LIF: variants seen among roughly 807,000 people sequenced by gnomAD.
The protein encoded by LIF is leukemia inhibitory factor.
In LIF, 9 loss-of-function variants were observed where a neutral mutation model predicts 15.0. The observed-to-expected ratio is 0.60, with a 90% CI of 0.36 to 1.04. The LOEUF is 1.04. LIF is among the 50% of genes least tolerant of loss of function. The probability of loss-of-function intolerance (pLI) is 0.01; values close to 1 mark genes in which losing one functional copy is unlikely to be tolerated. For missense variants in LIF, 240 were observed against 266.7 expected (o/e 0.90, Z 0.70); for synonymous variants, 122 against 119.7 (o/e 1.02, Z -0.13).
Position 30,243,973 on chromosome 22 carries a change from C to T in LIF, c.287G>A (p.Gly96Asp). 1.2e-6 allele frequency: 2 copies of T among 1,614,084 alleles called. No individual in the cohort carries two copies. The highest frequency in any genetic ancestry group is 1.7e-6 in the Non-Finnish European group (2 of 1,180,024). ...VTDFPPFHANGTEKAKLVELY... is the reference protein window; with the variant it reads ...VTDFPPFHANDTEKAKLVELY... ...CTCCACCAGCTTGGCCTTCTCCGTG[C>T]CGTTGGCGTGGAAGGGCGGGAAGTC... is the stretch of plus-strand genomic sequence containing the variant. The change falls in exon 3 of 3, where the codon GGC becomes GAC. Residue 96 changes from glycine (G) to aspartate (D), a missense_variant. Physicochemically the swap from Gly to Asp is moderately conservative, Grantham distance 94. Transcript: ENST00000249075. This position sits in a 1 kb window ranked among gnomAD's most constrained non-coding sequence, Gnocchi z 6.0.
intron 1 of LIF, chr22:30,246,278 C>T: frequency 3.9e-6 from 1 of 257,714 alleles, no homozygotes; most frequent in Non-Finnish European, 6.3e-6. Context: ...CTGGGAGCAG[C>T]CCGGGACCGC....
Position 30,243,541 on chromosome 22 carries a change from C to T in LIF, c.*110G>A. On this transcript the variant is annotated 3_prime_UTR_variant, in exon 3 of 3. Coordinates refer to ENST00000249075, the MANE Select transcript of LIF (RefSeq NM_002309.5). The surrounding 1 kb of genome is among the most constrained non-coding windows in gnomAD (Gnocchi z 6.0). The stretch of plus-strand genomic sequence containing the variant: ...GCACCCTCGGGGTCTGCCAGCAGCC[C>T]CCATTTGGGTTTAGCGATGCCCTGG... 7.2e-7 allele frequency: 1 copy of T among 1,393,324 alleles called. No individual in the cohort carries two copies. Among genetic ancestry groups the T allele is most frequent in the Non-Finnish European group, 1.0e-6 (1 of 991,778 alleles). The allele number at this position is 1,393,324 out of a possible 1,614,324, so 86.3% of individuals were successfully genotyped here.
At chr22:30,245,479 T>A (rs982907619) in intron 1 of LIF, among the ~76,000 whole-genome samples, 22 of 152,010 alleles carry the variant, frequency 1.4e-4, no homozygotes, top group Admixed American at 2.0e-4. Context: ...TTGACCCTCA[T>A]CTCCCTCCCA....
At chr22:30,244,506 A>C (rs1197925885) in intron 2 of LIF, among the ~76,000 whole-genome samples, 1 of 151,984 alleles carries the variant, frequency 6.6e-6, no homozygotes, top group Non-Finnish European at 1.5e-5. Context: ...GACAATCACA[A>C]GATAAGAAGT....
In LIF at chr22:30,241,882, C is replaced by T. The variant is rs1469028451; in HGVS notation, c.*1769G>A. The T allele has an allele frequency of 6.6e-6, 1 of 152,486 alleles. No individual in the cohort carries two copies. The highest frequency in any genetic ancestry group is 1.5e-5 in the Non-Finnish European group (1 of 68,120). The allele number at this position is 152,486 out of a possible 1,614,324, so 9.4% of individuals were successfully genotyped here. ...GCAGGAGGGCCCACAGCTTCCTGGTCTGAGTCCCAGGCATCTGCAGCCTCC... is the reference window on the plus strand; with the variant it reads ...GCAGGAGGGCCCACAGCTTCCTGGTTTGAGTCCCAGGCATCTGCAGCCTCC... On this transcript the variant is annotated 3_prime_UTR_variant, in exon 3 of 3. Transcript: ENST00000249075. The surrounding 1 kb of genome is among the most constrained non-coding windows in gnomAD (Gnocchi z 4.4).
rs765116548 is a variant in LIF at position 30,243,298 on chromosome 22, C to A, written c.*353G>T. 1 of 387,888 alleles carries A rather than the reference C, an allele frequency of 2.6e-6. No individual in the cohort carries two copies. The highest frequency in any genetic ancestry group is 4.9e-6 in the Non-Finnish European group (1 of 203,892). The allele number at this position is 387,888 out of a possible 1,614,324, so 24.0% of individuals were successfully genotyped here. ...ACTCCCCTGGGCCCTGCTGTCTCAC[C>A]CTGTGGTCAGGGCTCTTGTAGATGA... On this transcript the variant is annotated 3_prime_UTR_variant, in exon 3 of 3. Transcript: ENST00000249075. This position sits in a 1 kb window ranked among gnomAD's most constrained non-coding sequence, Gnocchi z 6.0.
rs772549695 is a variant in LIF at position 30,244,736 on chromosome 22, T to G, written c.198+19A>C. 2 of 1,610,124 alleles carry G rather than the reference T, an allele frequency of 1.2e-6. No individual in the cohort carries two copies. Among genetic ancestry groups the G allele is most frequent in the South Asian group, 2.2e-5 (2 of 90,924 alleles). ...CCCCCTCCCTGCCATCTCCTGTCAGTATCCCAGGGGTAACTTACATAGAGA... is the reference window on the plus strand; with the variant it reads ...CCCCCTCCCTGCCATCTCCTGTCAGGATCCCAGGGGTAACTTACATAGAGA... On this transcript the variant is annotated intron_variant, in intron 2 of 2. Transcript: ENST00000249075.
In LIF at chr22:30,243,690, C is replaced by A. The variant is rs752447357; in HGVS notation, c.570G>T (p.Lys190Asn). The change falls in exon 3 of 3, where the codon AAG becomes AAT. Residue 190 changes from lysine (K) to asparagine (N), a missense_variant. Coordinates refer to ENST00000249075, the MANE Select transcript of LIF (RefSeq NM_002309.5). The surrounding 1 kb of genome is among the most constrained non-coding windows in gnomAD (Gnocchi z 6.0). Reference protein sequence around the residue: ...KKKLGCQLLGKYKQIIAVLAQ... With the variant: ...KKKLGCQLLGNYKQIIAVLAQ... ...CCAACACGGCGATGATCTGCTTATA[C>A]TTCCCCAGGAGTTGACAGCCCAGCT... The A allele has an allele frequency of 1.9e-5, 31 of 1,614,156 alleles. No individual in the cohort carries two copies. Among genetic ancestry groups the A allele is most frequent in the Non-Finnish European group, 1.8e-5 (21 of 1,180,056 alleles).
In LIF at chr22:30,244,890, C is replaced by G. The variant is rs368278663; in HGVS notation, c.63G>C (p.Ala21=). Residue 21 remains alanine, a synonymous_variant, in exon 2 of 3, where the codon GCG becomes GCC. Coordinates refer to ENST00000249075, the MANE Select transcript of LIF (RefSeq NM_002309.5). ...CAGGGGTGATGGGGAGGGGGCTCCC[C>G]GCCCCATGTTTCCAGTGCAGAACCA... The part of the protein sequence containing the change: ...LLLVLHWKHG[A]GSPLPITPVN... The G allele has an allele frequency of 6.2e-7, 1 of 1,614,018 alleles. No homozygotes were observed. The highest frequency in any genetic ancestry group is 1.3e-5 in the African/African-American group (1 of 74,916).
Position 30,242,815 on chromosome 22 carries a change from G to C in LIF, c.*836C>G, listed in dbSNP as rs1441135163. ...GACCTTTACCCAGAGGAAGAGCCTG[G>C]GTCCCTCAGAACCTCTGCACCTGAC... On this transcript the variant is annotated 3_prime_UTR_variant, in exon 3 of 3. Coordinates refer to ENST00000249075, the MANE Select transcript of LIF (RefSeq NM_002309.5). 1 of 152,986 alleles carries C rather than the reference G, an allele frequency of 6.5e-6. No individual in the cohort carries two copies. Among genetic ancestry groups the C allele is most frequent in the Non-Finnish European group, 1.5e-5 (1 of 68,386 alleles). 9.5% of individuals were successfully genotyped at this position (152,986 alleles called of 1,614,324 possible).
chr22:30,244,870 G>A lies in LIF; in HGVS notation c.83C>T (p.Thr28Ile). The A allele has an allele frequency of 6.2e-7, 1 of 1,614,216 alleles. No homozygotes were observed. Among genetic ancestry groups the A allele is most frequent in the Non-Finnish European group, 8.5e-7 (1 of 1,180,004 alleles). Reference protein sequence around the residue: ...KHGAGSPLPITPVNATCAIRH... With the variant: ...KHGAGSPLPIIPVNATCAIRH... ...TATGGCACAGGTGGCGTTGACAGGGGTGATGGGGAGGGGGCTCCCCGCCCC... is the reference window on the plus strand; with the variant it reads ...TATGGCACAGGTGGCGTTGACAGGGATGATGGGGAGGGGGCTCCCCGCCCC... Residue 28 changes from threonine to isoleucine, a missense_variant, in exon 2 of 3, where the codon ACC (threonine) becomes ATC (isoleucine). Thr to Ile is a moderately conservative substitution (Grantham distance 89). Coordinates refer to ENST00000249075, the MANE Select transcript of LIF (RefSeq NM_002309.5).
chr22:30,244,183 C>T lies in LIF; in HGVS notation c.199-122G>A, dbSNP rs981055681. 7.8e-6 allele frequency: 7 copies of T among 899,338 alleles called. No individual in the cohort carries two copies. The South Asian group carries it at 1.0e-4, about 13-fold the overall frequency. 55.7% of individuals were successfully genotyped at this position (899,338 alleles called of 1,614,324 possible). The stretch of plus-strand genomic sequence containing the variant: ...TAGCGCATGAGGACCCAACTCCTTG[C>T]CCTGTAAGCATCTGGAATTGTCATG... On this transcript the variant is annotated intron_variant, in intron 2 of 2. Transcript: ENST00000249075.
chr22:30,244,772 C>T lies in LIF; in HGVS notation c.181G>A (p.Ala61Thr). The T allele has an allele frequency of 1.9e-6, 3 of 1,614,114 alleles. No individual in the cohort carries two copies. The highest frequency in any genetic ancestry group is 2.5e-6 in the Non-Finnish European group (3 of 1,179,980). ...TAACTTACATAGAGAATAAAGAGGG[C>T]ATTGGCACTGCCATTGAGCTGTGCC... is the stretch of plus-strand genomic sequence containing the variant. Reference protein sequence around the residue: ...QLAQLNGSANALFILYYTAQG... With the variant: ...QLAQLNGSANTLFILYYTAQG... The change falls in exon 2 of 3, where the codon GCC becomes ACC. Residue 61 changes from alanine to threonine, a missense_variant. Ala to Thr is a moderately conservative substitution (Grantham distance 58). Coordinates refer to ENST00000249075, the MANE Select transcript of LIF (RefSeq NM_002309.5).
At chr22:30,244,140 T>A in intron 2 of LIF, 79 bp from the exon 3 acceptor site, 1 of 1,402,000 alleles carries the variant, frequency 7.1e-7, no homozygotes, top group Admixed American at 2.0e-5. Context: ...GGCAAGCTCT[T>A]GCGTCTGTTT....
In LIF at chr22:30,243,384, AAGTCC is replaced by A. The variant is rs1373486009; in HGVS notation, c.*262_*266del. ...GGGCCAAAGGGACAAGTAGAGGCAG[AAGTCC>A]AGCCCACGCTCCCCAGTCCACAATC... On this transcript the variant is annotated 3_prime_UTR_variant, in exon 3 of 3. Coordinates refer to ENST00000249075, the MANE Select transcript of LIF (RefSeq NM_002309.5). This position sits in a 1 kb window ranked among gnomAD's most constrained non-coding sequence, Gnocchi z 6.0. 1 of 563,202 alleles carries A rather than the reference AAGTCC, an allele frequency of 1.8e-6. No individual in the cohort carries two copies. Among genetic ancestry groups the A allele is most frequent in the Non-Finnish European group, 3.2e-6 (1 of 313,256 alleles). The allele number at this position is 563,202 out of a possible 1,614,324, so 34.9% of individuals were successfully genotyped here.
At chr22:30,245,990 C>T (rs1928873283) in intron 1 of LIF, among the ~76,000 whole-genome samples, 2 of 152,212 alleles carry the variant, frequency 1.3e-5, no homozygotes, top group Admixed American at 1.3e-4. Context: ...ATGGTGGGGG[C>T]CGGGGTCAGC....
intron 1 of LIF, 186 bp downstream of exon 1, chr22:30,246,491 G>T: frequency 1.6e-6 from 2 of 1,261,792 alleles, no homozygotes; most frequent in Non-Finnish European, 2.0e-6. Context: ...GGGGCGTGCG[G>T]TGCTTGGGAC....
At position 30,243,731 on chromosome 22, in the gene LIF, C is replaced by G. The variant is rs1805730004; in HGVS notation, c.529G>C (p.Val177Leu). ...TYGPDTSGKD[V>L]FQKKKLGCQL... ...CAGCCCAGCTTCTTCTTCTGGAAGA[C>G]ATCCTTACCCGAGGTGTCAGGGCCG... Residue 177 changes from valine (V) to leucine (L), a missense_variant, in exon 3 of 3, where the codon GTC (valine) becomes CTC (leucine). By Grantham distance (32) the Val-to-Leu change is conservative (BLOSUM62 1). Transcript: ENST00000249075. The surrounding 1 kb of genome is among the most constrained non-coding windows in gnomAD (Gnocchi z 6.0). The G allele has an allele frequency of 1.2e-6, 2 of 1,614,262 alleles. No homozygotes were observed. The highest frequency in any genetic ancestry group is 1.7e-6 in the Non-Finnish European group (2 of 1,180,042).
chr22:30,240,576 A>C lies in LIF; in HGVS notation c.*3075T>G, dbSNP rs1383575253. 2 of 152,654 alleles carry C rather than the reference A, an allele frequency of 1.3e-5. No homozygotes were observed. Among genetic ancestry groups the C allele is most frequent in the Admixed American group, 6.5e-5 (1 of 15,288 alleles). 9.5% of individuals were successfully genotyped at this position (152,654 alleles called of 1,614,324 possible). A position where few individuals can be genotyped will look rare whatever the true frequency, so the allele number is the denominator to read the frequency against. ...TAAAAATAATCTGTCAGTATGAAAC[A>C]TCCCCACAGGGTACATTCATCAAAG... On this transcript the variant is annotated 3_prime_UTR_variant, in exon 3 of 3. Coordinates refer to ENST00000249075, the MANE Select transcript of LIF (RefSeq NM_002309.5).
Sources: allele counts gnomAD v4.1 joint callset (sites outside exome capture counted in the v4.1 genomes callset), GRCh38; gene constraint gnomAD v4.1.1; non-coding constraint Gnocchi (gnomAD v3.1); transcripts MANE v1.5; gene names NCBI Gene and HGNC (gene_info 2026-07-23, HGNC 2026-07-21).